Variants in TRIO observed in about 807,000 individuals in gnomAD.
TRIO encodes the protein triple functional domain protein.
TRIO carries 58 observed loss-of-function variants against 351.9 expected under a neutral mutation model. The ratio of observed to expected loss-of-function variants is 0.16; its 90% CI spans 0.13 to 0.21. The LOEUF (loss-of-function observed/expected upper bound fraction) is 0.21. Ranked by LOEUF, TRIO falls within the 10% of genes least tolerant of loss-of-function variation. TRIO has a pLI of 1.00. For missense variants in TRIO, 3,201 were observed against 4,027.8 expected (o/e 0.79, Z 5.56); for synonymous variants, 1,758 against 1,595.7 (o/e 1.10, Z -2.42).
rs1736481798 is a variant in TRIO, at chr5:14,286,816, A to G, written c.348-55A>G. On this transcript the variant is annotated intron_variant, in intron 3 of 56. Coordinates refer to ENST00000344204, the MANE Select transcript of TRIO (RefSeq NM_007118.4). The surrounding 1 kb of genome is among the most constrained non-coding windows in gnomAD (Gnocchi z 4.4). ...TGTGGCACCCAGTGGGACTCTGACC[A>G]GGCAGAGTGGCAAGAGATGTAACCC... The G allele has an allele frequency of 1.9e-6, 3 of 1,559,340 alleles. No individual in the cohort carries two copies. The Admixed American group carries it at 5.2e-5, about 27-fold the overall frequency.
chr5:14,482,889 T>G (rs745462708), intron 46 of TRIO, 116 bp downstream of exon 46: 146 of 1,065,390 alleles, frequency 1.4e-4, no homozygotes, highest in Non-Finnish European at 1.8e-4. Flanking sequence ...TTTGAGAATT[T>G]TCTAGTATAT....
intron 7 of TRIO, among the ~76,000 whole-genome samples, chr5:14,298,822 A>G (rs576352620): frequency 2.0e-5 from 3 of 152,332 alleles, no homozygotes; most frequent in South Asian, 2.1e-4. Flanking sequence ...GTGATAAAAG[A>G]TAGACAAAAG....
chr5:14,336,421 A>G (rs565644127), intron 10 of TRIO, 115 bp from the exon 11 acceptor site: 82 of 1,066,990 alleles, frequency 7.7e-5, no homozygotes, highest in Admixed American at 3.3e-4. Flanking sequence ...TGTTTGATTC[A>G]TGTAAGTGAT....
intron 34 of TRIO, among the ~76,000 whole-genome samples, chr5:14,435,857 T>C (rs987394145): frequency 1.3e-5 from 2 of 152,200 alleles, no homozygotes; most frequent in Non-Finnish European, 2.9e-5. Context: ...CAGGCTCATA[T>C]TGTATTTTGC....
intron 1 of TRIO, among the ~76,000 whole-genome samples, chr5:14,251,352 C>A (rs1411541301): frequency 6.6e-6 from 1 of 152,216 alleles, no homozygotes; most frequent in Non-Finnish European, 1.5e-5. Context: ...TTTTGATCAG[C>A]ACTCACGGGC....
chr5:14,164,197 A>C (rs998078186), intron 1 of TRIO, among the ~76,000 whole-genome samples: 2 of 152,210 alleles, frequency 1.3e-5, no homozygotes, highest in Non-Finnish European at 2.9e-5. Flanking sequence ...TCAATGCTAG[A>C]AAATTTTTTA....
chr5:14,177,297 ATT>A (rs1220729105), intron 1 of TRIO, among the ~76,000 whole-genome samples: 1 of 152,072 alleles, frequency 6.6e-6, no homozygotes, highest in Non-Finnish European at 1.5e-5. Context: ...GCACTTTTAA[ATT>A]TTTTTTGGTA....
At chr5:14,328,661 A>G (rs1740632000) in intron 9 of TRIO, among the ~76,000 whole-genome samples, 1 of 152,214 alleles carries the variant, frequency 6.6e-6, no homozygotes, top group Non-Finnish European at 1.5e-5. Flanking sequence ...CGGGGATGCC[A>G]TTTGCCACAC....
intron 8 of TRIO, among the ~76,000 whole-genome samples, chr5:14,307,400 C>T (rs547509161): frequency 3.9e-4 from 60 of 152,306 alleles, no homozygotes; most frequent in Middle Eastern, 3.4e-3. Context: ...TAAAATGGAA[C>T]GTTCTTTAGT....
At chr5:14,486,190 A>G (rs1280081623) in intron 47 of TRIO, among the ~76,000 whole-genome samples, 3 of 152,212 alleles carry the variant, frequency 2.0e-5, no homozygotes, top group African/African-American at 4.8e-5. Context: ...GTCCGAAGCT[A>G]TGTGCCCATG....
chr5:14,509,097 G>T lies in TRIO; in HGVS notation c.*675G>T, dbSNP rs995813987. ...CCACCCACCACCTGGGGCTTCCTCT[G>T]GGGGTCCGAGGGTCTTCCCATCACA... On this transcript the variant is annotated 3_prime_UTR_variant, in exon 57 of 57. Transcript: ENST00000344204. 5.7e-6 allele frequency: 1 copy of T among 175,060 alleles called. No individual in the cohort carries two copies. The highest frequency in any genetic ancestry group is 1.1e-5 in the Non-Finnish European group (1 of 88,240). 10.8% of individuals were successfully genotyped at this position (175,060 alleles called of 1,614,324 possible). A position where few individuals can be genotyped will look rare whatever the true frequency, so the allele number is the denominator to read the frequency against.
At chr5:14,194,904 C>T (rs543218281) in intron 1 of TRIO, among the ~76,000 whole-genome samples, 1 of 152,190 alleles carries the variant, frequency 6.6e-6, no homozygotes, top group East Asian at 1.9e-4. Context: ...ACCACTTATA[C>T]CCTTCTTTCT....
intron 1 of TRIO, among the ~76,000 whole-genome samples, chr5:14,164,227 T>C (rs1028753370): frequency 6.6e-6 from 1 of 152,226 alleles, no homozygotes; most frequent in Non-Finnish European, 1.5e-5. Context: ...TAGGTAATTA[T>C]ATCAGAAAGC....
rs1748027004 is a variant in TRIO at position 14,400,972 on chromosome 5, T to G, written c.4624T>G (p.Leu1542Val). The part of the protein sequence containing the change: ...LYKSKLFTSE[L>V]GVTEHVEGDP... ...TTGTCTTTTTATCCAGACCTCAGAGTTGGGTGTCACAGAACATGTTGAAGG... is the reference window on the plus strand; with the variant it reads ...TTGTCTTTTTATCCAGACCTCAGAGGTGGGTGTCACAGAACATGTTGAAGG... The change falls in exon 31 of 57, where the codon TTG becomes GTG. Residue 1542 changes from leucine (L) to valine (V), a missense_variant. This residue lies in a region of TRIO where 136 missense variants were observed against 229.5 expected (regional missense o/e 0.59). Coordinates refer to ENST00000344204, the MANE Select transcript of TRIO (RefSeq NM_007118.4). 1.2e-6 allele frequency: 2 copies of G among 1,613,768 alleles called. No individual in the cohort carries two copies. The highest frequency in any genetic ancestry group is 1.7e-6 in the Non-Finnish European group (2 of 1,179,940).
rs1160364713 is a variant in TRIO at position 14,169,210 on chromosome 5, T to G, written c.157+25328T>G. 2.0e-5 allele frequency among the ~76,000 whole-genome samples: 3 copies of G among 152,192 alleles called. No individual in the cohort carries two copies. In the East Asian group the frequency reaches 5.8e-4, roughly 29 times the overall value. The stretch of plus-strand genomic sequence containing the variant: ...CAATAAAACTGCCTTTTTTTTTTTT[T>G]TTTACTTTTCTCTTTTTTAGATGGA... On this transcript the variant is annotated intron_variant, in intron 1 of 56. Transcript: ENST00000344204.
chr5:14,257,501 G>C lies in TRIO; in HGVS notation c.158-13324G>C, dbSNP rs540286995. Among the ~76,000 whole-genome samples the C allele has an allele frequency of 1.4e-4, 22 of 152,176 alleles. No individual in the cohort carries two copies. The East Asian group carries it at 3.9e-3, about 27-fold the overall frequency. ...TGTTTCCATTTCTGGTTGTATTCTG[G>C]CTGGCCCTTTTCACAGCCAGGAGCA... On this transcript the variant is annotated intron_variant, in intron 1 of 56. Transcript: ENST00000344204.
intron 15 of TRIO, among the ~76,000 whole-genome samples, chr5:14,366,620 C>T (rs1744613285): frequency 6.6e-6 from 1 of 152,216 alleles, no homozygotes; most frequent in African/African-American, 2.4e-5. Context: ...GACCCTCCAC[C>T]TTTTCATTTC....
intron 1 of TRIO, among the ~76,000 whole-genome samples, chr5:14,240,131 AG>A (rs1303756920): frequency 6.6e-6 from 1 of 152,242 alleles, no homozygotes; most frequent in Non-Finnish European, 1.5e-5. Context: ...GTTTTCAAAT[AG>A]TAATAAAAAG....
intron 48 of TRIO, among the ~76,000 whole-genome samples, chr5:14,491,006 A>G (rs1756443160): frequency 6.6e-6 from 1 of 152,222 alleles, no homozygotes; most frequent in South Asian, 2.1e-4. Flanking sequence ...AACAGTGGGC[A>G]CCCACAGGGA....
Sources: gnomAD v4.1 joint callset for allele counts (sites outside exome capture counted in the v4.1 genomes callset) on GRCh38, gnomAD v4.1.1 for gene constraint, gnomAD v4.1.1 regional missense constraint, Gnocchi (gnomAD v3.1) non-coding constraint, MANE v1.5 for transcripts, NCBI Gene and HGNC (gene_info 2026-07-23, HGNC 2026-07-21) for gene names.